Variants in SLC38A9 observed in about 807,000 individuals in gnomAD.
The protein encoded by SLC38A9 is neutral amino acid transporter 9.
In SLC38A9, 48 loss-of-function variants were observed where a neutral mutation model predicts 62.3. The ratio of observed to expected loss-of-function variants is 0.77; its 90% CI spans 0.61 to 0.98. The LOEUF (loss-of-function observed/expected upper bound fraction) is 0.98. Among genes scored for constraint, SLC38A9 ranks in the 50% least tolerant of loss-of-function variants. The probability of loss-of-function intolerance (pLI) is 0.00; values close to 1 mark genes in which losing one functional copy is unlikely to be tolerated. For missense variants in SLC38A9, 541 were observed against 679.8 expected, an observed-to-expected ratio of 0.80 and a Z score of 2.27; for synonymous variants, 204 against 227.7, an observed-to-expected ratio of 0.90 and a Z score of 0.94.
intron 14 of SLC38A9, 157 bp downstream of exon 14, chr5:55,633,597 A>T (rs1580076092): frequency 3.1e-6 from 3 of 952,652 alleles, no homozygotes; most frequent in Non-Finnish European, 1.5e-6. Flanking sequence ...TTCTATTTTT[A>T]AAGCTCTTCA....
chr5:55,673,787 C>T (rs1406174072), intron 3 of SLC38A9, among the ~76,000 whole-genome samples: 1 of 150,682 alleles, frequency 6.6e-6, no homozygotes, highest in Non-Finnish European at 1.5e-5. Flanking sequence ...TCTCGGCTCA[C>T]TGCAACCTCC....
intron 9 of SLC38A9, among the ~76,000 whole-genome samples, chr5:55,655,455 C>T (rs1369565712): frequency 6.6e-6 from 1 of 151,910 alleles, no homozygotes; most frequent in Non-Finnish European, 1.5e-5. Context: ...GTTATTTGAT[C>T]CTTTGAAAAT....
At chr5:55,689,353 T>C (rs371092781) in intron 3 of SLC38A9, among the ~76,000 whole-genome samples, 18 of 152,332 alleles carry the variant, frequency 1.2e-4, no homozygotes, top group East Asian at 5.8e-4. Flanking sequence ...ATAATCTCAA[T>C]GTGTAATTTT....
intron 2 of SLC38A9, among the ~76,000 whole-genome samples, chr5:55,710,234 C>T (rs1435091542): frequency 6.7e-6 from 1 of 149,874 alleles, no homozygotes; most frequent in Non-Finnish European, 1.5e-5. Flanking sequence ...ACAGGATCTC[C>T]CTCTGTGGCT....
intron 7 of SLC38A9, 105 bp from the exon 8 acceptor site, chr5:55,664,968 G>A: frequency 1.7e-6 from 1 of 595,662 alleles, no homozygotes; most frequent in South Asian, 3.3e-5. Context: ...AAAGATTATG[G>A]GTATTCTATC....
Position 55,635,448 on chromosome 5 carries a change from C to A in SLC38A9, c.1281+96G>T, listed in dbSNP as rs778163822. On this transcript the variant is annotated intron_variant, in intron 13 of 15. Coordinates refer to ENST00000396865, the MANE Select transcript of SLC38A9 (RefSeq NM_173514.4). ...AGCAGAGATGGTATTAAAACCCAGG[C>A]CTATCTGATGTTATATCTTGCCACT... is the stretch of plus-strand genomic sequence containing the variant. 15 of 864,160 alleles carry A rather than the reference C, an allele frequency of 1.7e-5. No individual in the cohort carries two copies. The East Asian group carries it at 3.6e-4, about 21-fold the overall frequency. 53.5% of individuals were successfully genotyped at this position (864,160 alleles called of 1,614,324 possible).
chr5:55,632,912 T>C (rs1045523551), intron 14 of SLC38A9, among the ~76,000 whole-genome samples: 2 of 152,102 alleles, frequency 1.3e-5, no homozygotes, highest in African/African-American at 2.4e-5. Flanking sequence ...AACATAACCA[T>C]AAAAAAGGAC....
At chr5:55,668,305 G>A (rs1044782344) in intron 7 of SLC38A9, among the ~76,000 whole-genome samples, 2 of 152,196 alleles carry the variant, frequency 1.3e-5, no homozygotes, top group East Asian at 3.8e-4. Flanking sequence ...TCCAAGTTCA[G>A]CCACAATTTG....
At position 55,697,978 on chromosome 5, in the gene SLC38A9, C is replaced by A; in HGVS notation, c.-20G>T. On this transcript the variant is annotated 5_prime_UTR_variant, in exon 3 of 16. Transcript: ENST00000396865. ...TGCCATTTTTCTCACACTCTAAGCACTGAAGAAGTTAGTCCTACACAAAGA... is the reference window on the plus strand; with the variant it reads ...TGCCATTTTTCTCACACTCTAAGCAATGAAGAAGTTAGTCCTACACAAAGA... 1 of 1,295,086 alleles carries A rather than the reference C, an allele frequency of 7.7e-7. No individual in the cohort carries two copies. Among genetic ancestry groups the A allele is most frequent in the South Asian group, 1.3e-5 (1 of 76,448 alleles). The allele number at this position is 1,295,086 out of a possible 1,614,324, so 80.2% of individuals were successfully genotyped here.
intron 11 of SLC38A9, among the ~76,000 whole-genome samples, chr5:55,648,722 G>A (rs1284549264): frequency 6.6e-6 from 1 of 152,130 alleles, no homozygotes; most frequent in Admixed American, 6.6e-5. Flanking sequence ...GATCATTACA[G>A]AAATGCAAAT....
chr5:55,678,524 T>C (rs1752519116), intron 3 of SLC38A9, among the ~76,000 whole-genome samples: 1 of 151,706 alleles, frequency 6.6e-6, no homozygotes, highest in Admixed American at 6.6e-5. Context: ...ATACTAAATA[T>C]ACAAACTAGT....
chr5:55,651,037 T>G (rs746634497), intron 10 of SLC38A9, among the ~76,000 whole-genome samples: 4 of 152,066 alleles, frequency 2.6e-5, no homozygotes, highest in Non-Finnish European at 4.4e-5. Flanking sequence ...GTGATCTGCC[T>G]GCCTCAGCTT....
chr5:55,635,023 C>CT (rs984127604), intron 13 of SLC38A9: 1 of 145,170 alleles, frequency 6.9e-6, no homozygotes, highest in Admixed American at 6.9e-5. Flanking sequence ...ATCTCTCTCT[C>CT]TTTTTTTAAC....
At chr5:55,698,537 C>T (rs186932428) in intron 2 of SLC38A9, among the ~76,000 whole-genome samples, 3 of 152,316 alleles carry the variant, frequency 2.0e-5, no homozygotes, top group Admixed American at 1.3e-4. Context: ...CCCACTTCCC[C>T]ACCACAATAC....
At chr5:55,653,028 G>A (rs959218502) in intron 9 of SLC38A9, among the ~76,000 whole-genome samples, 14 of 152,090 alleles carry the variant, frequency 9.2e-5, no homozygotes, top group African/African-American at 9.7e-5. Context: ...GTCCAGTGGC[G>A]TGATCTCGGC....
At chr5:55,699,782 G>A (rs1429727214) in intron 2 of SLC38A9, among the ~76,000 whole-genome samples, 1 of 152,220 alleles carries the variant, frequency 6.6e-6, no homozygotes, top group Non-Finnish European at 1.5e-5. Flanking sequence ...AAAAGTTGAA[G>A]AGAAAATTAA....
chr5:55,694,238 G>A, intron 3 of SLC38A9: 1 of 236,752 alleles, frequency 4.2e-6, no homozygotes, highest in Non-Finnish European at 8.7e-6. Context: ...CTGTCAGCAA[G>A]TGACAATATG....
At chr5:55,697,161 G>T (rs1165399508) in intron 3 of SLC38A9, 3 of 152,722 alleles carry the variant, frequency 2.0e-5, no homozygotes, top group Admixed American at 6.6e-5. Context: ...AGACGGGGTG[G>T]CGGCCGGGCA....
intron 3 of SLC38A9, among the ~76,000 whole-genome samples, chr5:55,680,216 T>TAGAGAGAGAG (rs1175248337): frequency 1.6e-5 from 1 of 64,146 alleles, no homozygotes; most frequent in African/African-American, 4.5e-5. Flanking sequence ...TGTATATATC[T>TAGAGAGAGAG]ATATATATAT....
Sources: gnomAD v4.1 joint callset for allele counts (sites outside exome capture counted in the v4.1 genomes callset) on GRCh38, gnomAD v4.1.1 for gene constraint, MANE v1.5 for transcripts, NCBI Gene and HGNC (gene_info 2026-07-23, HGNC 2026-07-21) for gene names.